The following GIGYF1 variants were observed in gnomAD, a reference collection of about 807,000 sequenced individuals.
GIGYF1 encodes GRB10-interacting GYF protein 1.
Under a neutral mutation model 147.1 loss-of-function variants are expected in GIGYF1, and 84 were observed. That is an observed-to-expected ratio of 0.57 (90% confidence interval 0.48 to 0.68). GIGYF1 has a LOEUF of 0.68. GIGYF1 is among the 30% of genes least tolerant of loss of function. The probability of loss-of-function intolerance (pLI) is 0.00; values close to 1 mark genes in which losing one functional copy is unlikely to be tolerated. For synonymous variants in GIGYF1, 752 were observed against 589.5 expected, an observed-to-expected ratio of 1.28 and a Z score of -3.99; for missense variants, 1,485 against 1,393.7, an observed-to-expected ratio of 1.07 and a Z score of -1.04.
Position 100,683,439 on chromosome 7 carries a change from C to G in GIGYF1, c.2058G>C (p.Gln686His). 1.2e-6 allele frequency: 2 copies of G among 1,614,136 alleles called. No individual in the cohort carries two copies. The highest frequency in any genetic ancestry group is 1.7e-6 in the Non-Finnish European group (2 of 1,180,022). The stretch of plus-strand genomic sequence containing the variant: ...CCCTGAGCTCCACTTCTCTGCGCTC[C>G]TGGAACTGAGACCAGTGGCCCATCA... ...LEQLQLQHKF[Q>H]ERREVELRAK... Residue 686 changes from glutamine to histidine, a missense_variant, in exon 21 of 27, where the codon CAG (glutamine) becomes CAC (histidine). Gln to His is a conservative substitution (Grantham distance 24). Transcript: ENST00000678049.
chr7:100,687,984 G>C lies in GIGYF1; in HGVS notation c.162C>G (p.Asn54Lys), dbSNP rs1805539057. 2 of 1,612,068 alleles carry C rather than the reference G, an allele frequency of 1.2e-6. No individual in the cohort carries two copies. The highest frequency in any genetic ancestry group is 1.7e-5 in the Admixed American group (1 of 59,862). Residue 54 changes from asparagine to lysine, a missense_variant, in exon 5 of 27, where the codon AAC becomes AAG. Transcript: ENST00000678049. ...CCCCCCTCGCCCACGCACCCACCTT[G>C]TTCTCCTTGACGTAGAGAGCCAGCA... ...EEMLALYVKE[N>K]KVPEELQDKE...
Position 100,688,297 on chromosome 7 carries a change from T to G in GIGYF1, c.-59A>C. On this transcript the variant is annotated 5_prime_UTR_variant, in exon 4 of 27. Transcript: ENST00000678049. ...GGGGAGGAGGGGACCTGGCGTTCAC[T>G]GTCCAAACACCTGTGGGGGAACAGG... is the stretch of plus-strand genomic sequence containing the variant. The G allele has an allele frequency of 8.2e-7, 1 of 1,223,728 alleles. No individual in the cohort carries two copies. Among genetic ancestry groups the G allele is most frequent in the Non-Finnish European group, 1.2e-6 (1 of 832,634 alleles). 75.8% of individuals were successfully genotyped at this position (1,223,728 alleles called of 1,614,324 possible). A position where few individuals can be genotyped will look rare whatever the true frequency, so the allele number is the denominator to read the frequency against.
At position 100,686,399 on chromosome 7, in the gene GIGYF1, A is replaced by C; in HGVS notation, c.729T>G (p.His243Gln). The C allele has an allele frequency of 1.9e-6, 3 of 1,600,414 alleles. No homozygotes were observed. Among genetic ancestry groups the C allele is most frequent in the Non-Finnish European group, 2.6e-6 (3 of 1,175,128 alleles). ...ATTCAAACTTGCGCCGCCGTTCCCC[A>C]TGTTCCCGCCAGCCAGCAGAGCGGG... ...GGPRSAGWRE[H>Q]GERRRKFEFD... The change falls in exon 11 of 27, where the codon CAT becomes CAG. Residue 243 changes from histidine (H) to glutamine (Q), a missense_variant. Transcript: ENST00000678049.
intron 23 of GIGYF1, 38 bp downstream of exon 23, chr7:100,682,552 C>T (rs745479900): frequency 1.0e-5 from 16 of 1,593,754 alleles, no homozygotes; most frequent in Non-Finnish European, 1.4e-5. Flanking sequence ...CACCTTCCCC[C>T]TCAGGGCCAT....
At position 100,680,588 on chromosome 7, in the gene GIGYF1, G is replaced by T. The variant is rs1196292475; in HGVS notation, c.*1131C>A. Reference sequence around the variant, plus strand: ...CCCATTTGGTCAGCGGAAGGGTCAGGTGCAGAGCTGGGTGGTCCACATCTT... The same window carrying T: ...CCCATTTGGTCAGCGGAAGGGTCAGTTGCAGAGCTGGGTGGTCCACATCTT... On this transcript the variant is annotated 3_prime_UTR_variant, in exon 27 of 27. Transcript: ENST00000678049. The T allele has an allele frequency of 6.6e-6, 1 of 152,620 alleles. No individual in the cohort carries two copies. Among genetic ancestry groups the T allele is most frequent in the Non-Finnish European group, 1.5e-5 (1 of 68,100 alleles). The allele number at this position is 152,620 out of a possible 1,614,324, so 9.5% of individuals were successfully genotyped here. A position where few individuals can be genotyped will look rare whatever the true frequency, so the allele number is the denominator to read the frequency against.
chr7:100,684,400 G>A (rs374872959), intron 16 of GIGYF1, 50 bp downstream of exon 16: 2 of 1,605,484 alleles, frequency 1.2e-6, no homozygotes, highest in East Asian at 2.2e-5. Context: ...CTGGACTCCT[G>A]CCGGCACCCC....
rs565053028 is a variant in GIGYF1 at position 100,688,902 on chromosome 7, C to T, written c.-445G>A. ...TGAAGAACTCGGGGAGGGAGGCAGC[C>T]GAGGCCAGGATGGACGTTCAGGGCA... On this transcript the variant is annotated 5_prime_UTR_variant, in exon 2 of 27. Coordinates refer to ENST00000678049, the MANE Select transcript of GIGYF1 (RefSeq NM_001375765.1). 3.7e-4 allele frequency: 59 copies of T among 158,920 alleles called. No individual in the cohort carries two copies. Among genetic ancestry groups the T allele is most frequent in the Non-Finnish European group, 6.1e-4 (44 of 71,988 alleles). 9.8% of individuals were successfully genotyped at this position (158,920 alleles called of 1,614,324 possible). A position where few individuals can be genotyped will look rare whatever the true frequency, so the allele number is the denominator to read the frequency against.
chr7:100,690,500 G>A (rs1211636217), intron 1 of GIGYF1, among the ~76,000 whole-genome samples: 2 of 152,156 alleles, frequency 1.3e-5, no homozygotes, highest in African/African-American at 2.4e-5. Flanking sequence ...AAGAAAAAGT[G>A]GCCAGGCGTG....
rs1554382762 is a variant in GIGYF1 at position 100,687,063 on chromosome 7, G to GTGTGGGTC, written c.483-25_483-18dup. ...CTCTCGCCTCTGCAGCAGGGGAAAC[G>GTGTGGGTC]TGTGGGTCAGAAACAGTACAGCCTC... On this transcript the variant is annotated splice_polypyrimidine_tract_variant and intron_variant, in intron 8 of 26. Coordinates refer to ENST00000678049, the MANE Select transcript of GIGYF1 (RefSeq NM_001375765.1). 6.2e-7 allele frequency: 1 copy of GTGTGGGTC among 1,613,676 alleles called. No homozygotes were observed. Among genetic ancestry groups the GTGTGGGTC allele is most frequent in the Non-Finnish European group, 8.5e-7 (1 of 1,180,008 alleles).
rs551528395 is a variant in GIGYF1, at chr7:100,683,407, C to T, written c.2090G>A (p.Arg697Gln). The T allele has an allele frequency of 1.7e-5, 28 of 1,613,820 alleles. No homozygotes were observed. Among genetic ancestry groups the T allele is most frequent in the East Asian group, 6.7e-5 (3 of 44,886 alleles). Residue 697 changes from arginine to glutamine, a missense_variant, in exon 21 of 27, where the codon CGG (arginine) becomes CAG (glutamine). By Grantham distance (43) the Arg-to-Gln change is conservative (BLOSUM62 1). Coordinates refer to ENST00000678049, the MANE Select transcript of GIGYF1 (RefSeq NM_001375765.1). ...TCGACGCTTGCGTTCCTCTTCCTCCCGCTTCGCCCTGAGCTCCACTTCTCT... is the reference window on the plus strand; with the variant it reads ...TCGACGCTTGCGTTCCTCTTCCTCCTGCTTCGCCCTGAGCTCCACTTCTCT... ...ERREVELRAK[R>Q]EEEERKRREE...
In GIGYF1 at chr7:100,686,073, G is replaced by C. The variant is rs1332762645; in HGVS notation, c.955C>G (p.Pro319Ala). 1 of 1,612,440 alleles carries C rather than the reference G, an allele frequency of 6.2e-7. No individual in the cohort carries two copies. The highest frequency in any genetic ancestry group is 8.5e-7 in the Non-Finnish European group (1 of 1,179,898). ...SGAFLPLKKGPKEPIPEEQEL... is the reference protein window; with the variant it reads ...SGAFLPLKKGAKEPIPEEQEL... ...TGCTCCTCAGGAATGGGCTCCTTGG[G>C]GCCCTTCTGCATGGGGCCGGGGTGG... The change falls in exon 12 of 27, where the codon CCC becomes GCC. Residue 319 changes from proline to alanine, a missense_variant. By Grantham distance (27) the Pro-to-Ala change is conservative. Transcript: ENST00000678049.
At chr7:100,687,203 T>G in intron 8 of GIGYF1, 95 bp downstream of exon 8, 1 of 1,455,618 alleles carries the variant, frequency 6.9e-7, no homozygotes, top group Non-Finnish European at 9.6e-7. Context: ...CGGACAGGGC[T>G]TATCTGGTGG....
Position 100,684,588 on chromosome 7 carries a change from C to T in GIGYF1, c.1491G>A (p.Glu497=), listed in dbSNP as rs765648756. The T allele has an allele frequency of 3.7e-6, 6 of 1,614,094 alleles. No individual in the cohort carries two copies. The highest frequency in any genetic ancestry group is 1.3e-5 in the African/African-American group (1 of 74,952). ...QGPFTTQEMA[E]WFQAGYFSMS... ...TGGAAAAGTAGCCGGCCTGGAACCA[C>T]TCTGCCATCTCCTGTGTCGTGAAGG... Residue 497 remains glutamate, a synonymous_variant, in exon 16 of 27, where the codon GAG becomes GAA. Coordinates refer to ENST00000678049, the MANE Select transcript of GIGYF1 (RefSeq NM_001375765.1).
intron 12 of GIGYF1, 48 bp downstream of exon 12, chr7:100,685,926 G>A: frequency 2.0e-6 from 3 of 1,516,108 alleles, no homozygotes; most frequent in Non-Finnish European, 2.7e-6. Flanking sequence ...AAGAACACCA[G>A]TGCCTGCCCG....
intron 4 of GIGYF1, 22 bp downstream of exon 4, chr7:100,688,182 A>G (rs1476080282): frequency 6.2e-7 from 1 of 1,611,022 alleles, no homozygotes; most frequent in Non-Finnish European, 8.5e-7. Flanking sequence ...TCTCCACGGC[A>G]GCCGAGGCAC....
rs1200750880 is a variant in GIGYF1, at chr7:100,686,703, T to C, written c.640A>G (p.Arg214Gly). Reference sequence around the variant, plus strand: ...TCTCGCCGGGGCCCTGCTCCGAGCCTCCAGCTGCCCTCCTCCTCCTCCTCC... The same window carrying C: ...TCTCGCCGGGGCCCTGCTCCGAGCCCCCAGCTGCCCTCCTCCTCCTCCTCC... ...EQEEEEEGSW[R>G]LGAGPRRDGD... Residue 214 changes from arginine to glycine, a missense_variant, in exon 10 of 27, where the codon AGG (arginine) becomes GGG (glycine). By Grantham distance (125) the Arg-to-Gly change is moderately radical. Coordinates refer to ENST00000678049, the MANE Select transcript of GIGYF1 (RefSeq NM_001375765.1). The C allele has an allele frequency of 6.2e-7, 1 of 1,613,126 alleles. No homozygotes were observed. The highest frequency in any genetic ancestry group is 8.5e-7 in the Non-Finnish European group (1 of 1,179,860).
At chr7:100,693,289 AT>A (rs1805965843) in intron 1 of GIGYF1, among the ~76,000 whole-genome samples, 1 of 65,470 alleles carries the variant, frequency 1.5e-5, no homozygotes, top group Non-Finnish European at 2.9e-5. Context: ...TTACTCGGAA[AT>A]TTTTTTGTTT....
Position 100,684,592 on chromosome 7 carries a change from G to A in GIGYF1, c.1487C>T (p.Ala496Val), listed in dbSNP as rs750986546. ...IQGPFTTQEM[A>V]EWFQAGYFSM... ...AAAGTAGCCGGCCTGGAACCACTCT[G>A]CCATCTCCTGTGTCGTGAAGGGGCC... The change falls in exon 16 of 27, where the codon GCA (alanine) becomes GTA (valine). Residue 496 changes from alanine to valine, a missense_variant. Coordinates refer to ENST00000678049, the MANE Select transcript of GIGYF1 (RefSeq NM_001375765.1). 2.5e-6 allele frequency: 4 copies of A among 1,614,186 alleles called. No individual in the cohort carries two copies. Among genetic ancestry groups the A allele is most frequent in the Middle Eastern group, 1.6e-4 (1 of 6,062 alleles).
At position 100,687,985 on chromosome 7, in the gene GIGYF1, T is replaced by A; in HGVS notation, c.161A>T (p.Asn54Ile). 1 of 1,612,308 alleles carries A rather than the reference T, an allele frequency of 6.2e-7. No homozygotes were observed. The highest frequency in any genetic ancestry group is 8.5e-7 in the Non-Finnish European group (1 of 1,178,798). ...CCCCCTCGCCCACGCACCCACCTTG[T>A]TCTCCTTGACGTAGAGAGCCAGCAT... Reference protein sequence around the residue: ...EEMLALYVKENKVPEELQDKE... With the variant: ...EEMLALYVKEIKVPEELQDKE... Residue 54 changes from asparagine to isoleucine, a missense_variant, in exon 5 of 27, where the codon AAC becomes ATC. Asn to Ile is a moderately radical substitution (Grantham distance 149). Transcript: ENST00000678049.
Sources: gnomAD v4.1 joint callset for allele counts (sites outside exome capture counted in the v4.1 genomes callset) on GRCh38, gnomAD v4.1.1 for gene constraint, MANE v1.5 for transcripts, NCBI Gene and HGNC (gene_info 2026-07-23, HGNC 2026-07-21) for gene names.